The following APBB2 variants were observed in gnomAD, a reference collection of about 807,000 sequenced individuals.
APBB2 encodes Fe65-like 1.
In APBB2, 38 loss-of-function variants were observed where a neutral mutation model predicts 82.5. The ratio of observed to expected loss-of-function variants is 0.46; its 90% confidence interval spans 0.36 to 0.60. The LOEUF (loss-of-function observed/expected upper bound fraction) is 0.60, where lower values mean the gene tolerates loss of function less well. Ranked by LOEUF, APBB2 falls within the 20% of genes least tolerant of loss-of-function variation. The pLI, the probability that APBB2 is intolerant of heterozygous loss-of-function variation, is 0.00. For missense variants in APBB2, 772 were observed against 972.3 expected, an observed-to-expected ratio of 0.79 and a Z score of 2.74; for synonymous variants, 341 against 368.2, an observed-to-expected ratio of 0.93 and a Z score of 0.85.
chr4:41,009,014 A>G (rs1364922969), intron 6 of APBB2, among the ~76,000 whole-genome samples: 1 of 152,224 alleles, frequency 6.6e-6, no homozygotes, highest in African/African-American at 2.4e-5. Context: ...CTTCAATTTT[A>G]TTAAATCCCA....
intron 12 of APBB2, among the ~76,000 whole-genome samples, chr4:40,836,461 CA>C (rs1478932026): frequency 6.6e-6 from 1 of 152,082 alleles, no homozygotes; most frequent in African/African-American, 2.4e-5. Context: ...TAGGCAAACA[CA>C]GCAAGACTCC....
intron 6 of APBB2, among the ~76,000 whole-genome samples, chr4:40,949,375 T>C (rs929802576): frequency 1.3e-5 from 2 of 152,170 alleles, no homozygotes; most frequent in African/African-American, 2.4e-5. Context: ...TCATTACACA[T>C]TGGTCTTTAT....
rs566274829 is a variant in APBB2 at position 41,022,508 on chromosome 4, A to C, written c.20-8110T>G. On this transcript the variant is annotated intron_variant, in intron 5 of 17. Coordinates refer to ENST00000508593, the MANE Select transcript of APBB2 (RefSeq NM_004307.2). ...CCAGCAAATTCCTACTCCTCTTTGA[A>C]GATTCAGAAAAGATGTCACCGCTTT... Among the ~76,000 whole-genome samples the C allele has an allele frequency of 2.4e-4, 37 of 152,264 alleles. 1 individual carries two copies. In the East Asian group the frequency reaches 7.1e-3, roughly 29 times the overall value.
At chr4:41,048,817 C>T (rs372117895) in intron 4 of APBB2, among the ~76,000 whole-genome samples, 1 of 149,126 alleles carries the variant, frequency 6.7e-6, no homozygotes, top group East Asian at 1.9e-4. Context: ...CGATTGCAGG[C>T]GCGCGCTGCC....
chr4:40,974,223 T>A (rs1225525610), intron 6 of APBB2, among the ~76,000 whole-genome samples: 1 of 152,156 alleles, frequency 6.6e-6, no homozygotes, highest in East Asian at 1.9e-4. Context: ...TTAACTTGAT[T>A]ACAGGTGCAA....
intron 4 of APBB2, among the ~76,000 whole-genome samples, chr4:41,048,605 T>C (rs1253013749): frequency 6.6e-6 from 1 of 151,910 alleles, no homozygotes; most frequent in Admixed American, 6.6e-5. Flanking sequence ...AGTTCTCTCC[T>C]CTCAAAAAAT....
In APBB2 at chr4:41,143,643, C is replaced by A. The variant is rs1759847408; in HGVS notation, c.-416-501G>T. Among the ~76,000 whole-genome samples, 2 of 152,084 alleles carry A rather than the reference C, an allele frequency of 1.3e-5. 1 individual carries two copies. Among genetic ancestry groups the A allele is most frequent in the South Asian group, 4.1e-4 (2 of 4,822 alleles). ...AAACATTACAGGACTTCAAAGGGCA[C>A]CACAAAAAGACACATAAGTGGGGGC... On this transcript the variant is annotated intron_variant, in intron 1 of 17. Transcript: ENST00000508593.
chr4:41,102,804 A>G (rs912917283), intron 2 of APBB2, among the ~76,000 whole-genome samples: 1 of 152,238 alleles, frequency 6.6e-6, no homozygotes, highest in African/African-American at 2.4e-5. Context: ...TTGAAGTACC[A>G]TATTTATTGC....
At chr4:41,056,563 C>T (rs1309537134) in intron 4 of APBB2, among the ~76,000 whole-genome samples, 4 of 152,210 alleles carry the variant, frequency 2.6e-5, no homozygotes, top group Admixed American at 2.0e-4. Context: ...ACAGTTACCA[C>T]CTTTGGTCAC....
At position 40,992,312 on chromosome 4, in the gene APBB2, C is replaced by T. The variant is rs1004526421; in HGVS notation, c.835+21271G>A. On this transcript the variant is annotated intron_variant, in intron 6 of 17. Coordinates refer to ENST00000508593, the MANE Select transcript of APBB2 (RefSeq NM_004307.2). ...CCGAGTAGCTGGTACTAAAGGTGCA[C>T]GGCACTACACTTAGCTAATTTTATT... 1.2e-4 allele frequency among the ~76,000 whole-genome samples: 18 copies of T among 148,058 alleles called. No homozygotes were observed. The East Asian group carries it at 2.6e-3, about 21-fold the overall frequency.
At chr4:40,870,538 T>C (rs1298620701) in intron 12 of APBB2, among the ~76,000 whole-genome samples, 1 of 152,034 alleles carries the variant, frequency 6.6e-6, no homozygotes, top group Non-Finnish European at 1.5e-5. Context: ...AGTCATATAA[T>C]CTGTACCACC....
At chr4:40,908,504 A>C (rs1291308672) in intron 10 of APBB2, among the ~76,000 whole-genome samples, 4 of 152,032 alleles carry the variant, frequency 2.6e-5, no homozygotes, top group Admixed American at 6.5e-5. Context: ...CGGCATCCCC[A>C]GGCCACACCT....
intron 13 of APBB2, among the ~76,000 whole-genome samples, chr4:40,829,621 G>T (rs929756852): frequency 6.6e-6 from 1 of 152,030 alleles, no homozygotes; most frequent in African/African-American, 2.4e-5. Flanking sequence ...AGCCAGAGCT[G>T]CTTGGTAATA....
At chr4:40,850,348 T>A (rs1312250683) in intron 12 of APBB2, among the ~76,000 whole-genome samples, 1 of 152,200 alleles carries the variant, frequency 6.6e-6, no homozygotes, top group African/African-American at 2.4e-5. Flanking sequence ...ATAACAAGTA[T>A]GTCATCTTAA....
At chr4:40,985,414 T>A (rs1800167077) in intron 6 of APBB2, among the ~76,000 whole-genome samples, 1 of 152,182 alleles carries the variant, frequency 6.6e-6, no homozygotes, top group Non-Finnish European at 1.5e-5. Flanking sequence ...GCAGGATTAT[T>A]TATTCTTAGT....
chr4:41,016,384 G>A (rs796203356), intron 5 of APBB2, among the ~76,000 whole-genome samples: 9 of 152,122 alleles, frequency 5.9e-5, no homozygotes, highest in African/African-American at 1.9e-4. Context: ...AGCCACAGCC[G>A]GGTGCGGTGG....
intron 1 of APBB2, among the ~76,000 whole-genome samples, chr4:41,145,888 T>C (rs1760570856): frequency 6.6e-6 from 1 of 152,132 alleles, no homozygotes; most frequent in East Asian, 1.9e-4. Flanking sequence ...AAGACATTAG[T>C]GGTTTCAAAA....
chr4:41,209,869 G>A (rs1778902528), intron 1 of APBB2, among the ~76,000 whole-genome samples: 1 of 152,122 alleles, frequency 6.6e-6, no homozygotes, highest in African/African-American at 2.4e-5. Flanking sequence ...AACCAGACAG[G>A]GAAACACAAA....
At chr4:40,889,491 AT>A (rs1233999915) in intron 12 of APBB2, among the ~76,000 whole-genome samples, 2 of 152,220 alleles carry the variant, frequency 1.3e-5, no homozygotes, top group African/African-American at 4.8e-5. Context: ...CTCTTTTGCA[AT>A]GCTCTTGTCC....
Sources: allele counts gnomAD v4.1 joint callset (sites outside exome capture counted in the v4.1 genomes callset), GRCh38; gene constraint gnomAD v4.1.1; transcripts MANE v1.5; gene names NCBI Gene and HGNC (gene_info 2026-07-23, HGNC 2026-07-21).